The following GRAP2 variants were observed in gnomAD, a reference collection of about 807,000 sequenced individuals.
GRAP2 encodes GRB2 related adaptor protein 2.
In GRAP2, 31 loss-of-function variants were observed where a neutral mutation model predicts 43.5. That is an observed-to-expected ratio of 0.71 (90% confidence interval 0.54 to 0.96). The LOEUF (loss-of-function observed/expected upper bound fraction) is 0.96, where lower values mean the gene tolerates loss of function less well. Among genes scored for constraint, GRAP2 ranks in the 40% least tolerant of loss-of-function variants. The pLI, the probability that GRAP2 is intolerant of heterozygous loss-of-function variation, is 0.00. For missense variants in GRAP2, 371 were observed against 424.4 expected, an observed-to-expected ratio of 0.87 and a Z score of 1.11; for synonymous variants, 156 against 164.8, an observed-to-expected ratio of 0.95 and a Z score of 0.41.
chr22:39,955,389 A>G (rs2067037004), intron 2 of GRAP2, among the ~76,000 whole-genome samples: 1 of 148,882 alleles, frequency 6.7e-6, no homozygotes, highest in Non-Finnish European at 1.5e-5. Flanking sequence ...AAAAAAAGAG[A>G]AAAGTTTCCT....
At chr22:39,962,666 T>C (rs1415891829) in intron 4 of GRAP2, among the ~76,000 whole-genome samples, 1 of 151,832 alleles carries the variant, frequency 6.6e-6, no homozygotes, top group Non-Finnish European at 1.5e-5. Context: ...TGTGGTTTCG[T>C]TGGTTTTTTG....
chr22:39,953,686 T>C (rs904485002), intron 2 of GRAP2, among the ~76,000 whole-genome samples: 1 of 152,228 alleles, frequency 6.6e-6, no homozygotes, highest in Admixed American at 6.5e-5. Flanking sequence ...CAGAGCTCAC[T>C]ACAGCCTTTA....
At chr22:39,907,692 T>C (rs1166298440) in intron 1 of GRAP2, among the ~76,000 whole-genome samples, 1 of 152,028 alleles carries the variant, frequency 6.6e-6, no homozygotes, top group African/African-American at 2.4e-5. Context: ...CAGTAAGCCG[T>C]GTTCACACCG....
At chr22:39,912,741 A>C (rs1242306272) in intron 1 of GRAP2, among the ~76,000 whole-genome samples, 2 of 152,210 alleles carry the variant, frequency 1.3e-5, no homozygotes, top group South Asian at 4.1e-4. Flanking sequence ...GCATGTCACT[A>C]TATGACCAGG....
intron 1 of GRAP2, chr22:39,926,767 T>C: frequency 2.0e-6 from 2 of 985,268 alleles, no homozygotes; most frequent in Non-Finnish European, 2.4e-6. Context: ...TCGCTTTGCC[T>C]GATAGAGAGA....
At chr22:39,907,706 C>T (rs1601686532) in intron 1 of GRAP2, among the ~76,000 whole-genome samples, 3 of 152,186 alleles carry the variant, frequency 2.0e-5, no homozygotes, top group East Asian at 3.9e-4. Flanking sequence ...CACACCGCTA[C>T]ACTCCAGCCT....
chr22:39,953,230 C>T (rs1189806756), intron 2 of GRAP2, among the ~76,000 whole-genome samples: 2 of 152,156 alleles, frequency 1.3e-5, no homozygotes, highest in African/African-American at 4.8e-5. Flanking sequence ...TCCAGCTGCT[C>T]CCTGAGCTTT....
In GRAP2 at chr22:39,920,931, C is replaced by T. The variant is rs2066643699; in HGVS notation, c.-15+19601C>T. Among the ~76,000 whole-genome samples, 3 of 138,840 alleles carry T rather than the reference C, an allele frequency of 2.2e-5. No individual in the cohort carries two copies. The Admixed American group carries it at 2.3e-4, about 11-fold the overall frequency. 91.1% of individuals were successfully genotyped at this position (138,840 alleles called of 152,430 possible). On this transcript the variant is annotated intron_variant, in intron 1 of 7. Transcript: ENST00000344138. ...AAGAATACAAAAAATGGGTATTTAACTTCTCTACACAGACACACACACACA... is the reference window on the plus strand; with the variant it reads ...AAGAATACAAAAAATGGGTATTTAATTTCTCTACACAGACACACACACACA...
At chr22:39,905,399 A>G (rs554996051) in intron 1 of GRAP2, among the ~76,000 whole-genome samples, 1 of 152,138 alleles carries the variant, frequency 6.6e-6, no homozygotes, top group South Asian at 2.1e-4. Context: ...GGTAATGTTT[A>G]TTGAGTGCTT....
intron 1 of GRAP2, among the ~76,000 whole-genome samples, chr22:39,921,084 A>G (rs2066647297): frequency 6.6e-6 from 1 of 152,104 alleles, no homozygotes; most frequent in Non-Finnish European, 1.5e-5. Flanking sequence ...TAAGCTAGCC[A>G]CTTGAACTTC....
At chr22:39,967,949 G>T in intron 5 of GRAP2, 93 bp from the exon 6 acceptor site, 1 of 1,480,512 alleles carries the variant, frequency 6.8e-7, no homozygotes, top group Non-Finnish European at 9.0e-7. Flanking sequence ...GGAGCCAGAT[G>T]AGCAGGGTCT....
chr22:39,915,937 T>C (rs1291198172), intron 1 of GRAP2, among the ~76,000 whole-genome samples: 1 of 152,210 alleles, frequency 6.6e-6, no homozygotes, highest in Non-Finnish European at 1.5e-5. Context: ...CACACCCATT[T>C]AGCTGAGAGC....
At chr22:39,942,304 A>G (rs1038511978) in intron 1 of GRAP2, among the ~76,000 whole-genome samples, 1 of 152,136 alleles carries the variant, frequency 6.6e-6, no homozygotes, top group Non-Finnish European at 1.5e-5. Flanking sequence ...ACTGTCTCCG[A>G]GAGGGGCTTT....
At chr22:39,949,250 T>C (rs2066956897) in intron 2 of GRAP2, among the ~76,000 whole-genome samples, 1 of 152,330 alleles carries the variant, frequency 6.6e-6, no homozygotes, top group South Asian at 2.1e-4. Context: ...TTATCATCAA[T>C]GCCTCCTTTA....
chr22:39,912,186 C>G (rs1278051507), intron 1 of GRAP2, among the ~76,000 whole-genome samples: 3 of 152,118 alleles, frequency 2.0e-5, no homozygotes, highest in African/African-American at 7.2e-5. Flanking sequence ...TTTGGGAGGC[C>G]AGGGTGGGAG....
At chr22:39,970,822 A>T in intron 7 of GRAP2, 83 bp from the exon 8 acceptor site, 2 of 1,254,204 alleles carry the variant, frequency 1.6e-6, no homozygotes, top group Non-Finnish European at 2.2e-6. Context: ...AAAGACTTGG[A>T]TGTGGTGGGA....
chr22:39,923,557 G>C (rs912919326), intron 1 of GRAP2, among the ~76,000 whole-genome samples: 1 of 152,036 alleles, frequency 6.6e-6, no homozygotes, highest in African/African-American at 2.4e-5. Context: ...CTGAAGCCAG[G>C]GATTTTGTCT....
intron 1 of GRAP2, among the ~76,000 whole-genome samples, chr22:39,904,296 G>A (rs2066510059): frequency 6.6e-6 from 1 of 152,212 alleles, no homozygotes; most frequent in East Asian, 1.9e-4. Flanking sequence ...ACTGAGGCAC[G>A]AGAATTGCTT....
In GRAP2 at chr22:39,968,612, C is replaced by T. The variant is rs1010602082; in HGVS notation, c.690+340C>T. 4.3e-5 allele frequency: 15 copies of T among 352,358 alleles called. No individual in the cohort carries two copies. The South Asian group carries it at 8.7e-4, about 20-fold the overall frequency. The allele number at this position is 352,358 out of a possible 1,614,324, so 21.8% of individuals were successfully genotyped here. A position where few individuals can be genotyped will look rare whatever the true frequency, so the allele number is the denominator to read the frequency against. ...CATGCCCCTTAGCCCATCTGGCTGT[C>T]AGATCCACAAGAGAAAAAGGCTTAA... On this transcript the variant is annotated intron_variant, in intron 6 of 7. Transcript: ENST00000344138.
Sources: gnomAD v4.1 joint callset for allele counts (sites outside exome capture counted in the v4.1 genomes callset) on GRCh38, gnomAD v4.1.1 for gene constraint, MANE v1.5 for transcripts, NCBI Gene and HGNC (gene_info 2026-07-23, HGNC 2026-07-21) for gene names.